The following ZNF506 variants were observed in gnomAD, a reference collection of about 807,000 sequenced individuals.
The protein encoded by ZNF506 is zinc finger protein 506.
ZNF506 carries 10 observed loss-of-function variants against 11.6 expected under a neutral mutation model. The ratio of observed to expected loss-of-function variants is 0.86; its 90% CI spans 0.53 to 1.46. The LOEUF is 1.46. Ranked by LOEUF, ZNF506 falls within the 40% of genes most tolerant of loss-of-function variation. The probability of loss-of-function intolerance (pLI) is 0.00; values close to 1 mark genes in which losing one functional copy is unlikely to be tolerated. For synonymous variants in ZNF506, 156 were observed against 173.3 expected, an observed-to-expected ratio of 0.90 and a Z score of 0.78; for missense variants, 425 against 521.2, an observed-to-expected ratio of 0.82 and a Z score of 1.80.
At chr19:19,806,899 C>A in intron 2 of ZNF506, 43 bp downstream of exon 2, 2 of 1,585,076 alleles carry the variant, frequency 1.3e-6, no homozygotes, top group South Asian at 1.2e-5. Context: ...GAAATAAAAC[C>A]TTTAGAGTAA....
Position 19,795,153 on chromosome 19 carries a change from G to A in ZNF506, c.734C>T (p.Thr245Ile). The A allele has an allele frequency of 6.2e-7, 1 of 1,613,600 alleles. No individual in the cohort carries two copies. Among genetic ancestry groups the A allele is most frequent in the Non-Finnish European group, 8.5e-7 (1 of 1,179,878 alleles). ...TCCAGTATGAATTATCTTATGTGTAGTAAGGTTACAGGACTGCTTATAGGC... is the reference window on the plus strand; with the variant it reads ...TCCAGTATGAATTATCTTATGTGTAATAAGGTTACAGGACTGCTTATAGGC... ...GKAYKQSCNL[T>I]THKIIHTGEK... is the part of the protein sequence containing the mutation. The change falls in exon 4 of 4, where the codon ACT becomes ATT. Residue 245 changes from threonine (T) to isoleucine (I), a missense_variant. Thr to Ile is a moderately conservative substitution (Grantham distance 89). Transcript: ENST00000540806.
At chr19:19,820,963 G>A (rs552760612) in intron 1 of ZNF506, among the ~76,000 whole-genome samples, 1 of 151,654 alleles carries the variant, frequency 6.6e-6, no homozygotes, top group Non-Finnish European at 1.5e-5. Context: ...TCAGTGGCGC[G>A]ATCTCAGCTC....
intron 1 of ZNF506, among the ~76,000 whole-genome samples, chr19:19,818,089 A>G (rs951110526): frequency 6.6e-6 from 1 of 152,066 alleles, no homozygotes; most frequent in African/African-American, 2.4e-5. Flanking sequence ...CGGCCTCCCA[A>G]AGTGCTGGGA....
At chr19:19,815,827 T>A (rs2062926286) in intron 1 of ZNF506, among the ~76,000 whole-genome samples, 1 of 152,228 alleles carries the variant, frequency 6.6e-6, no homozygotes, top group South Asian at 2.1e-4. Context: ...AATAATTTGG[T>A]AGAGCTACTC....
rs1214970709 is a variant in ZNF506, at chr19:19,795,673, A to G, written c.227-13T>C. On this transcript the variant is annotated splice_polypyrimidine_tract_variant and intron_variant, in intron 3 of 3. Coordinates refer to ENST00000540806, the MANE Select transcript of ZNF506 (RefSeq NM_001099269.3). ...TGAGAATACATAACTGAAAGAAACA[A>G]TAAAAACACATGACTTCAATTGCTA... 5 of 1,485,852 alleles carry G rather than the reference A, an allele frequency of 3.4e-6. No individual in the cohort carries two copies. The highest frequency in any genetic ancestry group is 4.5e-6 in the Non-Finnish European group (5 of 1,120,892). 92.0% of individuals were successfully genotyped at this position (1,485,852 alleles called of 1,614,324 possible). A position where few individuals can be genotyped will look rare whatever the true frequency, so the allele number is the denominator to read the frequency against.
chr19:19,811,705 G>A (rs970704369), intron 1 of ZNF506, among the ~76,000 whole-genome samples: 4 of 152,086 alleles, frequency 2.6e-5, no homozygotes, highest in Admixed American at 6.6e-5. Flanking sequence ...AGGAGGCTGA[G>A]GCAGTAGGCT....
intron 3 of ZNF506, chr19:19,798,203 TA>T (rs1328447505): frequency 2.0e-5 from 3 of 152,282 alleles, no homozygotes; most frequent in East Asian, 1.9e-4. Context: ...ATAGACAACA[TA>T]AAAAATATAA....
At chr19:19,817,414 A>AT (rs1297201898) in intron 1 of ZNF506, among the ~76,000 whole-genome samples, 3 of 144,210 alleles carry the variant, frequency 2.1e-5, no homozygotes, top group African/African-American at 5.3e-5. Context: ...CTTTTTTAGA[A>AT]TTTTTTTTAC....
At chr19:19,817,245 G>A (rs2062939836) in intron 1 of ZNF506, among the ~76,000 whole-genome samples, 2 of 151,966 alleles carry the variant, frequency 1.3e-5, no homozygotes, top group African/African-American at 4.8e-5. Flanking sequence ...AACATTCTCT[G>A]ATCTAAGATC....
At chr19:19,809,188 T>C (rs1207113190) in intron 1 of ZNF506, among the ~76,000 whole-genome samples, 1 of 152,172 alleles carries the variant, frequency 6.6e-6, no homozygotes. Flanking sequence ...ACATTTTTAA[T>C]ATTGCAGATT....
intron 3 of ZNF506, among the ~76,000 whole-genome samples, chr19:19,800,820 G>A (rs1214122868): frequency 6.6e-6 from 1 of 152,116 alleles, no homozygotes; most frequent in Non-Finnish European, 1.5e-5. Flanking sequence ...ATAAATAGAT[G>A]TTGAAATTAG....
At position 19,794,895 on chromosome 19, in the gene ZNF506, T is replaced by C; in HGVS notation, c.992A>G (p.His331Arg). 1 of 1,614,066 alleles carries C rather than the reference T, an allele frequency of 6.2e-7. No individual in the cohort carries two copies. The highest frequency in any genetic ancestry group is 8.5e-7 in the Non-Finnish European group (1 of 1,180,012). The change falls in exon 4 of 4, where the codon CAT becomes CGT. Residue 331 changes from histidine (H) to arginine (R), a missense_variant. His to Arg is a conservative substitution (Grantham distance 29). Coordinates refer to ENST00000540806, the MANE Select transcript of ZNF506 (RefSeq NM_001099269.3). ...TACATCTCCAGTATGAATTCTCTTA[T>C]GTTTAGTAAGGTTTGAGGAACGGTT... ...AFNRSSNLTKHKRIHTGDVPY... is the reference protein window; with the variant it reads ...AFNRSSNLTKRKRIHTGDVPY...
rs1250158243 is a variant in ZNF506, at chr19:19,807,023, C to T, written c.49G>A (p.Glu17Lys). ...RDVAIEFSLEEWHCLDAAQRN... is the reference protein window; with the variant it reads ...RDVAIEFSLEKWHCLDAAQRN... ...TGTGCAGCGTCCAGGCAATGCCACT[C>T]CTCCAGAGAGAATTCTATGGCCACA... Residue 17 changes from glutamate (E) to lysine (K), a missense_variant, in exon 2 of 4, where the codon GAG becomes AAG. By Grantham distance (56) the Glu-to-Lys change is moderately conservative. Around this residue, in one of 3 missense-constraint regions of ZNF506, gnomAD observed 226 missense variants for 279.1 expected, o/e 0.81. Coordinates refer to ENST00000540806, the MANE Select transcript of ZNF506 (RefSeq NM_001099269.3). 1.2e-6 allele frequency: 2 copies of T among 1,613,944 alleles called. No individual in the cohort carries two copies. Among genetic ancestry groups the T allele is most frequent in the Non-Finnish European group, 1.7e-6 (2 of 1,179,990 alleles).
At position 19,801,889 on chromosome 19, in the gene ZNF506, T is replaced by C. The variant is rs575337195; in HGVS notation, c.226+4142A>G. Among the ~76,000 whole-genome samples the C allele has an allele frequency of 1.3e-4, 19 of 145,020 alleles. No homozygotes were observed. The South Asian group carries it at 3.8e-3, about 29-fold the overall frequency. On this transcript the variant is annotated intron_variant, in intron 3 of 3. Transcript: ENST00000540806. ...TACTCATAAAATCTGGTATGCAACATTGATGTATCATTTAAACAAACATTG... is the reference window on the plus strand; with the variant it reads ...TACTCATAAAATCTGGTATGCAACACTGATGTATCATTTAAACAAACATTG...
At position 19,794,722 on chromosome 19, in the gene ZNF506, T is replaced by C. The variant is rs769896633; in HGVS notation, c.1165A>G (p.Ile389Val). 4.3e-6 allele frequency: 7 copies of C among 1,613,892 alleles called. 1 individual carries two copies. Among genetic ancestry groups the C allele is most frequent in the African/African-American group, 2.7e-5 (2 of 74,918 alleles). Residue 389 changes from isoleucine to valine, a missense_variant, in exon 4 of 4, where the codon ATA becomes GTA. By Grantham distance (29) the Ile-to-Val change is conservative. This residue lies in a region of ZNF506 where 192 missense variants were observed against 215.7 expected (regional missense o/e 0.89). Transcript: ENST00000540806. ...TAFSTLTEHKIIHTGEKPYKC... is the reference protein window; with the variant it reads ...TAFSTLTEHKVIHTGEKPYKC... ...TACGGTTTCTCTCCAGTATGAATTA[T>C]CTTATGTTCAGTTAGAGTTGAGAAT... is the stretch of plus-strand genomic sequence containing the variant.
At chr19:19,812,792 T>C (rs1353537112) in intron 1 of ZNF506, among the ~76,000 whole-genome samples, 1 of 152,344 alleles carries the variant, frequency 6.6e-6, no homozygotes, top group South Asian at 2.1e-4. Flanking sequence ...AGATTAGATA[T>C]GAGATTGATC....
intron 1 of ZNF506, among the ~76,000 whole-genome samples, chr19:19,808,798 GCGCTA>G (rs994692399): frequency 2.9e-5 from 4 of 138,580 alleles, no homozygotes; most frequent in African/African-American, 1.1e-4. Context: ...AGCCAAGATC[GCGCTA>G]CTATACCCCT....
intron 2 of ZNF506, 108 bp from the exon 3 acceptor site, chr19:19,806,234 C>T: frequency 2.6e-6 from 2 of 758,966 alleles, no homozygotes; most frequent in Non-Finnish European, 3.8e-6. Context: ...TAAATTAATA[C>T]TAAAATACTA....
rs60044672 is a variant in ZNF506 at position 19,792,757 on chromosome 19, GA to G, written c.*1794del. On this transcript the variant is annotated 3_prime_UTR_variant, in exon 4 of 4. Transcript: ENST00000540806. ...AATAAAGTAATTCATTATAATTTTT[GA>G]AAAAAAAAGTTTTAAAATGGTCTGC... 3.3e-5 allele frequency among the ~76,000 whole-genome samples: 5 copies of G among 150,964 alleles called. No individual in the cohort carries two copies. The highest frequency in any genetic ancestry group is 7.4e-5 in the Non-Finnish European group (5 of 67,772).
Sources: gnomAD v4.1 joint callset for allele counts (sites outside exome capture counted in the v4.1 genomes callset) on GRCh38, gnomAD v4.1.1 for gene constraint, gnomAD v4.1.1 regional missense constraint, MANE v1.5 for transcripts, NCBI Gene and HGNC (gene_info 2026-07-23, HGNC 2026-07-21) for gene names.